POT1: variants seen among roughly 807,000 people sequenced by gnomAD.
The protein encoded by POT1 is protection of telomeres 1.
A neutral mutation model predicts 78.5 loss-of-function variants in POT1; 47 were observed. That is an observed-to-expected ratio of 0.60 (90% CI 0.47 to 0.76). POT1 has a LOEUF of 0.76. POT1 is among the 30% of genes least tolerant of loss of function. The pLI is 0.00. For synonymous variants in POT1, 259 were observed against 260.7 expected (o/e 0.99, Z 0.06); for missense variants, 646 against 749.9 (o/e 0.86, Z 1.62).
At chr7:124,913,513 C>T (rs1411889660) in intron 3 of POT1, among the ~76,000 whole-genome samples, 1 of 152,034 alleles carries the variant, frequency 6.6e-6, no homozygotes, top group Non-Finnish European at 1.5e-5. Flanking sequence ...TCCTTCATTG[C>T]TCATCCCTTT....
In POT1 at chr7:124,871,879, AG is replaced by A. The variant is rs138805640; in HGVS notation, c.125-839del. Among the ~76,000 whole-genome samples the A allele has an allele frequency of 5.6e-3, 850 of 152,240 alleles. 10 individuals carry two copies. The highest frequency in any genetic ancestry group is 0.019 in the African/African-American group (802 of 41,550). ...TTACCTCACAGTTATTTTTGCAGCG[AG>A]AACACTTAACATCCATTTTCTTAGC... On this transcript the variant is annotated intron_variant, in intron 6 of 18. Coordinates refer to ENST00000357628, the MANE Select transcript of POT1 (RefSeq NM_015450.3).
chr7:124,848,415 A>G (rs1795222414), intron 11 of POT1: 1 of 152,382 alleles, frequency 6.6e-6, no homozygotes. Flanking sequence ...CTGTAATCCC[A>G]GCACTTTAGG....
chr7:124,905,574 G>A (rs1413190536), intron 3 of POT1, among the ~76,000 whole-genome samples: 2 of 151,220 alleles, frequency 1.3e-5, no homozygotes, highest in African/African-American at 4.9e-5. Flanking sequence ...ACACAGGCAT[G>A]GGCAAGAACT....
intron 12 of POT1, among the ~76,000 whole-genome samples, chr7:124,845,368 A>G (rs1795139174): frequency 6.6e-6 from 1 of 152,194 alleles, no homozygotes; most frequent in Admixed American, 6.5e-5. Context: ...TTTATTCTGT[A>G]GAATAAACAC....
chr7:124,921,142 C>G (rs1167835218), intron 2 of POT1, among the ~76,000 whole-genome samples: 2 of 151,884 alleles, frequency 1.3e-5, no homozygotes, highest in African/African-American at 4.8e-5. Context: ...AAATATTTCA[C>G]TAATATAAGT....
At chr7:124,838,395 A>G (rs1794945855) in intron 14 of POT1, among the ~76,000 whole-genome samples, 1 of 152,184 alleles carries the variant, frequency 6.6e-6, no homozygotes, top group Non-Finnish European at 1.5e-5. Context: ...ATTTAACATT[A>G]AATAATTAGC....
At chr7:124,834,892 C>T (rs571914893) in intron 15 of POT1, among the ~76,000 whole-genome samples, 7 of 152,252 alleles carry the variant, frequency 4.6e-5, no homozygotes, top group Non-Finnish European at 5.9e-5. Context: ...GGCACATACG[C>T]ACCATGGAAT....
At chr7:124,903,346 A>C (rs1344821640) in intron 3 of POT1, among the ~76,000 whole-genome samples, 11 of 152,236 alleles carry the variant, frequency 7.2e-5, no homozygotes, top group African/African-American at 2.7e-4. Flanking sequence ...GTGTAATCAA[A>C]TTAGAACTCA....
Position 124,827,293 on chromosome 7 carries a change from A to T in POT1, c.1607T>A (p.Val536Glu), listed in dbSNP as rs761551156. 1 of 1,582,168 alleles carries T rather than the reference A, an allele frequency of 6.3e-7. No homozygotes were observed. Among genetic ancestry groups the T allele is most frequent in the Non-Finnish European group, 8.6e-7 (1 of 1,156,472 alleles). ...CATAACAAACACATATTGGAGGGGT[A>T]CAATACCCAGTGCTAGTGAAGGAAA... The part of the protein sequence containing the change: ...PSSVAEALGI[V>E]PLQYVFVMTF... Residue 536 changes from valine (V) to glutamate (E), a missense_variant, in exon 17 of 19, where the codon GTA becomes GAA. By Grantham distance (121) the Val-to-Glu change is moderately radical (BLOSUM62 -2). Around this residue, in one of 2 missense-constraint regions of POT1, gnomAD observed 394 missense variants for 408.4 expected, o/e 0.96. Transcript: ENST00000357628.
intron 11 of POT1, among the ~76,000 whole-genome samples, chr7:124,851,428 CCTCT>C (rs1795303875): frequency 6.6e-6 from 1 of 152,110 alleles, no homozygotes; most frequent in Non-Finnish European, 1.5e-5. Flanking sequence ...AGGACATATC[CCTCT>C]GTTTGTTAAT....
At chr7:124,832,417 T>A (rs939007081) in intron 15 of POT1, among the ~76,000 whole-genome samples, 2 of 152,108 alleles carry the variant, frequency 1.3e-5, no homozygotes, top group Non-Finnish European at 2.9e-5. Flanking sequence ...TTAAAAGATA[T>A]ACTGGCTTTT....
At chr7:124,862,378 C>T (rs1209719562) in intron 8 of POT1, among the ~76,000 whole-genome samples, 4 of 152,168 alleles carry the variant, frequency 2.6e-5, no homozygotes, top group Admixed American at 6.6e-5. Flanking sequence ...TTAAGAATGT[C>T]ACTTTTGCCA....
At chr7:124,877,893 C>T (rs1485869601) in intron 6 of POT1, among the ~76,000 whole-genome samples, 1 of 139,934 alleles carries the variant, frequency 7.1e-6, no homozygotes. Flanking sequence ...GCATAATGTT[C>T]TCCAGATTCC....
At chr7:124,907,036 T>C (rs962878556) in intron 3 of POT1, among the ~76,000 whole-genome samples, 5 of 152,100 alleles carry the variant, frequency 3.3e-5, no homozygotes, top group African/African-American at 1.2e-4. Context: ...GAGTATATTC[T>C]GACATACCAC....
intron 6 of POT1, among the ~76,000 whole-genome samples, chr7:124,880,484 C>A (rs535519563): frequency 6.6e-6 from 1 of 151,984 alleles, no homozygotes; most frequent in African/African-American, 2.4e-5. Context: ...CCAAGATGAA[C>A]TGACAAAGCT....
At chr7:124,865,658 A>C (rs576083628) in intron 7 of POT1, among the ~76,000 whole-genome samples, 1 of 151,484 alleles carries the variant, frequency 6.6e-6, no homozygotes, top group East Asian at 1.9e-4. Context: ...TAATTCACTG[A>C]ATCTATTTTC....
intron 2 of POT1, among the ~76,000 whole-genome samples, chr7:124,923,519 G>T (rs1336039113): frequency 6.6e-6 from 1 of 151,778 alleles, no homozygotes; most frequent in Admixed American, 6.6e-5. Context: ...AGCCATTTGA[G>T]ATGTCCAGGA....
chr7:124,924,552 GAACT>G (rs912809910), intron 2 of POT1, among the ~76,000 whole-genome samples: 1 of 151,794 alleles, frequency 6.6e-6, no homozygotes, highest in Non-Finnish European at 1.5e-5. Flanking sequence ...AACACAAAAA[GAACT>G]AACACCAATC....
chr7:124,896,488 TAC>T (rs1406355789), intron 5 of POT1, among the ~76,000 whole-genome samples: 11 of 151,782 alleles, frequency 7.2e-5, no homozygotes, highest in Non-Finnish European at 1.6e-4. Flanking sequence ...AACTGTGTCC[TAC>T]AGTCATTGTC....
Sources: allele counts gnomAD v4.1 joint callset (sites outside exome capture counted in the v4.1 genomes callset), GRCh38; gene constraint gnomAD v4.1.1; regional missense constraint gnomAD v4.1.1; transcripts MANE v1.5; gene names NCBI Gene and HGNC (gene_info 2026-07-23, HGNC 2026-07-21).